The following LCLAT1 variants were observed in gnomAD, a reference collection of about 807,000 sequenced individuals.
The protein encoded by LCLAT1 is lysocardiolipin acyltransferase 1.
A neutral mutation model predicts 30.7 loss-of-function variants in LCLAT1; 11 were observed. The observed-to-expected ratio is 0.36, with a 90% CI of 0.23 to 0.59. The LOEUF (loss-of-function observed/expected upper bound fraction) is 0.59. Among genes scored for constraint, LCLAT1 ranks in the 20% least tolerant of loss-of-function variants. The pLI is 0.77. For synonymous variants in LCLAT1, 155 were observed against 151.3 expected (o/e 1.02, Z -0.18); for missense variants, 402 against 458.6 (o/e 0.88, Z 1.13).
At chr2:30,469,658 A>C (rs1388220120) in intron 1 of LCLAT1, among the ~76,000 whole-genome samples, 1 of 148,008 alleles carries the variant, frequency 6.8e-6, no homozygotes, top group African/African-American at 2.5e-5. Context: ...GACTCACTAC[A>C]ACCTCCGCCT....
intron 5 of LCLAT1, among the ~76,000 whole-genome samples, chr2:30,637,695 A>G (rs551587155): frequency 6.6e-6 from 1 of 152,264 alleles, no homozygotes; most frequent in South Asian, 2.1e-4. Flanking sequence ...CTCCTGCCTC[A>G]GCCTCCCAAG....
chr2:30,531,764 A>G (rs768861715), intron 2 of LCLAT1, among the ~76,000 whole-genome samples: 6 of 152,168 alleles, frequency 3.9e-5, no homozygotes, highest in Non-Finnish European at 8.8e-5. Context: ...TTTTGAACCT[A>G]TGTTTTATTG....
At chr2:30,592,076 T>C (rs1441902993) in intron 5 of LCLAT1, among the ~76,000 whole-genome samples, 1 of 152,176 alleles carries the variant, frequency 6.6e-6, no homozygotes, top group East Asian at 1.9e-4. Flanking sequence ...TGGTACTTAC[T>C]AAGCACTCCA....
At chr2:30,521,166 C>A (rs1045929487) in intron 1 of LCLAT1, among the ~76,000 whole-genome samples, 1 of 152,310 alleles carries the variant, frequency 6.6e-6, no homozygotes, top group African/African-American at 2.4e-5. Context: ...TTTACAAATG[C>A]CAGGGCAATG....
At position 30,557,283 on chromosome 2, in the gene LCLAT1, C is replaced by CGTGTGTGTGTGTGTGTGTGT. The variant is rs373793652; in HGVS notation, c.365-4838_365-4819dup. Among the ~76,000 whole-genome samples the CGTGTGTGTGTGTGTGTGTGT allele has an allele frequency of 7.2e-5, 10 of 138,648 alleles. 1 individual carries two copies. Among genetic ancestry groups the CGTGTGTGTGTGTGTGTGTGT allele is most frequent in the African/African-American group, 2.8e-4 (10 of 36,340 alleles). The allele number at this position is 138,648 out of a possible 152,430, so 91.0% of individuals were successfully genotyped here. ...TGTAGGACAGTGTAGAAGGTATGAT[C>CGTGTGTGTGTGTGTGTGTGT]GTGTGTGTGTGTGTGTGTGTGTGTG... On this transcript the variant is annotated intron_variant, in intron 3 of 5. Coordinates refer to ENST00000379509, the MANE Select transcript of LCLAT1 (RefSeq NM_001002257.3).
At chr2:30,458,014 T>G (rs868239338) in intron 1 of LCLAT1, among the ~76,000 whole-genome samples, 2 of 152,118 alleles carry the variant, frequency 1.3e-5, no homozygotes, top group Non-Finnish European at 2.9e-5. Context: ...CAACTAATTT[T>G]GCCTTCCTGA....
At chr2:30,623,619 G>T (rs947684845) in intron 5 of LCLAT1, among the ~76,000 whole-genome samples, 3 of 152,030 alleles carry the variant, frequency 2.0e-5, no homozygotes, top group Non-Finnish European at 4.4e-5. Flanking sequence ...TTGGGATTAT[G>T]TTAAACAACA....
At chr2:30,495,967 A>T (rs1684090242) in intron 1 of LCLAT1, among the ~76,000 whole-genome samples, 1 of 152,154 alleles carries the variant, frequency 6.6e-6, no homozygotes, top group Non-Finnish European at 1.5e-5. Context: ...TGGGTAATTT[A>T]TAAAGAAAAG....
At chr2:30,472,325 C>A (rs760058812) in intron 1 of LCLAT1, among the ~76,000 whole-genome samples, 4 of 152,020 alleles carry the variant, frequency 2.6e-5, no homozygotes, top group Non-Finnish European at 5.9e-5. Context: ...ATAATTAAGC[C>A]CCTTCTAAGG....
chr2:30,494,686 T>TA (rs1684014630), intron 1 of LCLAT1, among the ~76,000 whole-genome samples: 1 of 151,112 alleles, frequency 6.6e-6, no homozygotes, highest in Non-Finnish European at 1.5e-5. Flanking sequence ...TTTTTTTTTT[T>TA]AAACGTCTGC....
At chr2:30,594,212 A>C (rs539748130) in intron 5 of LCLAT1, among the ~76,000 whole-genome samples, 1 of 152,258 alleles carries the variant, frequency 6.6e-6, no homozygotes, top group African/African-American at 2.4e-5. Context: ...ATTTTAAAAA[A>C]TCAAGTTTCA....
chr2:30,523,678 G>T (rs975749418), intron 1 of LCLAT1, among the ~76,000 whole-genome samples: 1 of 152,168 alleles, frequency 6.6e-6, no homozygotes, highest in African/African-American at 2.4e-5. Flanking sequence ...GACCACCCTG[G>T]CCAACATGGT....
chr2:30,478,814 T>G (rs1683176866), intron 1 of LCLAT1, among the ~76,000 whole-genome samples: 1 of 152,228 alleles, frequency 6.6e-6, no homozygotes, highest in African/African-American at 2.4e-5. Context: ...ATTTGTAACT[T>G]AAGACTTGGT....
intron 3 of LCLAT1, among the ~76,000 whole-genome samples, chr2:30,544,377 A>G (rs1307407829): frequency 6.6e-6 from 1 of 152,226 alleles, no homozygotes; most frequent in South Asian, 2.1e-4. Context: ...TTCTTGAAGC[A>G]TAGGATTTTA....
chr2:30,524,611 C>T (rs1333955962), intron 1 of LCLAT1, among the ~76,000 whole-genome samples: 1 of 152,140 alleles, frequency 6.6e-6, no homozygotes, highest in Non-Finnish European at 1.5e-5. Context: ...GCATCCAGGA[C>T]GTGAATTATC....
rs1558545732 is a variant in LCLAT1 at position 30,598,998 on chromosome 2, GAGA to G, written c.628+30823_628+30825del. Among the ~76,000 whole-genome samples the G allele has an allele frequency of 4.8e-5, 7 of 146,614 alleles. No homozygotes were observed. The South Asian group carries it at 6.5e-4, about 14-fold the overall frequency. On this transcript the variant is annotated intron_variant, in intron 5 of 5. Coordinates refer to ENST00000379509, the MANE Select transcript of LCLAT1 (RefSeq NM_001002257.3). The stretch of plus-strand genomic sequence containing the variant: ...TTTTTTTTTCTTTTCTTTTTTGTTT[GAGA>G]TAGATAGAGTCTCACTCTGGGTCCA...
At chr2:30,579,088 T>C (rs1261801035) in intron 5 of LCLAT1, among the ~76,000 whole-genome samples, 2 of 152,186 alleles carry the variant, frequency 1.3e-5, no homozygotes, top group Non-Finnish European at 2.9e-5. Context: ...CTGTTCCTTT[T>C]GTAATTCAAG....
At chr2:30,618,787 T>C (rs1012205742) in intron 5 of LCLAT1, among the ~76,000 whole-genome samples, 1 of 152,238 alleles carries the variant, frequency 6.6e-6, no homozygotes, top group African/African-American at 2.4e-5. Context: ...ACTTGTATCC[T>C]GTAACCTTGC....
At chr2:30,552,796 A>G (rs1664740549) in intron 3 of LCLAT1, 2 of 178,732 alleles carry the variant, frequency 1.1e-5, no homozygotes, top group Non-Finnish European at 2.4e-5. Context: ...GGACAGATCC[A>G]TACTCAGTAA....
Sources: gnomAD v4.1 joint callset for allele counts (sites outside exome capture counted in the v4.1 genomes callset) on GRCh38, gnomAD v4.1.1 for gene constraint, MANE v1.5 for transcripts, NCBI Gene and HGNC (gene_info 2026-07-23, HGNC 2026-07-21) for gene names.